FBXO34: variants seen among roughly 807,000 people sequenced by gnomAD.
FBXO34 encodes the protein F-box only protein 34.
In FBXO34, 12 loss-of-function variants were observed where a neutral mutation model predicts 24.5. That is an observed-to-expected ratio of 0.49 (90% confidence interval 0.31 to 0.79). The LOEUF (loss-of-function observed/expected upper bound fraction) is 0.79, where lower values mean the gene tolerates loss of function less well. FBXO34 is among the 30% of genes least tolerant of loss of function. The pLI is 0.04. For synonymous variants in FBXO34, 320 were observed against 311.9 expected (o/e 1.03, Z -0.27); for missense variants, 823 against 857.7 (o/e 0.96, Z 0.51).
At chr14:55,291,860 G>A (rs1290273071) in intron 1 of FBXO34, among the ~76,000 whole-genome samples, 7 of 152,208 alleles carry the variant, frequency 4.6e-5, no homozygotes, top group African/African-American at 1.7e-4. Flanking sequence ...GCTATGTGGG[G>A]GTGGCTGAGA....
At chr14:55,406,504 C>T in the FBXO34 span, among the ~76,000 whole-genome samples, 2 of 152,164 alleles carry the variant, frequency 1.3e-5, no homozygotes, top group East Asian at 1.9e-4. Flanking sequence ...CAACCTGTGG[C>T]CCTCAGAGTT....
the FBXO34 span, among the ~76,000 whole-genome samples, chr14:55,402,930 T>TAC: frequency 7.5e-5 from 1 of 13,306 alleles, no homozygotes. Flanking sequence ...AAAAAAAATA[T>TAC]ATATATATAT....
the FBXO34 span, chr14:55,377,820 T>G: frequency 6.4e-7 from 1 of 1,570,246 alleles, no homozygotes; most frequent in Non-Finnish European, 8.6e-7. Context: ...TCTTCTTACC[T>G]GCCTAGGTGT....
the FBXO34 span, chr14:55,414,499 C>T: frequency 2.2e-6 from 3 of 1,372,390 alleles, no homozygotes; most frequent in Non-Finnish European, 3.0e-6. Flanking sequence ...TATAAAAATA[C>T]CAACATTTAC....
chr14:55,316,573 A>AG (rs965769499), intron 1 of FBXO34, among the ~76,000 whole-genome samples: 1 of 151,594 alleles, frequency 6.6e-6, no homozygotes, highest in Admixed American at 6.6e-5. Context: ...CCAAAAAAAA[A>AG]AAAAAAAAGC....
At chr14:55,376,682 G>A in the FBXO34 span, among the ~76,000 whole-genome samples, 1 of 152,136 alleles carries the variant, frequency 6.6e-6, no homozygotes, top group Non-Finnish European at 1.5e-5. Flanking sequence ...AATGCCTTGG[G>A]TTTCAGTAGA....
chr14:55,337,918 C>G (rs891400816), intron 1 of FBXO34, among the ~76,000 whole-genome samples: 2 of 152,046 alleles, frequency 1.3e-5, no homozygotes, highest in African/African-American at 4.8e-5. Context: ...GTGGTAAGAG[C>G]GTAGGCTTTG....
downstream of FBXO34, among the ~76,000 whole-genome samples, chr14:55,370,641 ATTTC>A (rs1244070826): frequency 6.6e-6 from 1 of 150,860 alleles, no homozygotes; most frequent in African/African-American, 2.4e-5. Context: ...GCCTTTCTGC[ATTTC>A]TTTTTTTTTT....
the FBXO34 span, chr14:55,395,903 G>GT: frequency 6.9e-7 from 1 of 1,448,128 alleles, no homozygotes; most frequent in Non-Finnish European, 9.2e-7. Flanking sequence ...TTAAAAACAT[G>GT]TAGCCTCAAG....
chr14:55,314,491 T>C (rs1036421946), intron 1 of FBXO34, among the ~76,000 whole-genome samples: 16 of 151,974 alleles, frequency 1.1e-4, no homozygotes, highest in African/African-American at 3.6e-4. Flanking sequence ...ATCACATAAA[T>C]GTTTTGTCTC....
At chr14:55,326,292 T>A (rs1883340585) in intron 1 of FBXO34, among the ~76,000 whole-genome samples, 1 of 152,174 alleles carries the variant, frequency 6.6e-6, no homozygotes, top group Admixed American at 6.5e-5. Flanking sequence ...TAAAGACAAC[T>A]AGTAGGGAAG....
intron 1 of FBXO34, among the ~76,000 whole-genome samples, chr14:55,333,079 T>C (rs1883654875): frequency 6.6e-6 from 1 of 152,202 alleles, no homozygotes; most frequent in Admixed American, 6.5e-5. Flanking sequence ...AGTGGGCTAT[T>C]GTTAGCTACA....
Position 55,331,743 on chromosome 14 carries a change from G to GTA in FBXO34, c.-10-18637_-10-18636insAT, listed in dbSNP as rs1250386276. Among the ~76,000 whole-genome samples the GTA allele has an allele frequency of 2.8e-4, 12 of 42,928 alleles. 2 individuals carry two copies. The African/African-American group carries it at 3.3e-3, about 12-fold the overall frequency. 28.2% of individuals were successfully genotyped at this position (42,928 alleles called of 152,430 possible). A position where few individuals can be genotyped will look rare whatever the true frequency, so the allele number is the denominator to read the frequency against. On this transcript the variant is annotated intron_variant, in intron 1 of 1. Coordinates refer to ENST00000313833, the MANE Select transcript of FBXO34 (RefSeq NM_017943.4). Reference sequence around the variant, plus strand: ...TATATATATATGTATATATATATGTGTGTATATATATATATATGTATATAT... The same window carrying GTA: ...TATATATATATGTATATATATATGTGTATGTATATATATATATATGTATATAT...
the FBXO34 span, among the ~76,000 whole-genome samples, chr14:55,438,136 C>T: frequency 6.6e-6 from 1 of 152,102 alleles, no homozygotes; most frequent in South Asian, 2.1e-4. Context: ...GCAGGAGAAA[C>T]TCAAAAAGAT....
At chr14:55,398,058 C>T in the FBXO34 span, among the ~76,000 whole-genome samples, 1 of 151,598 alleles carries the variant, frequency 6.6e-6, no homozygotes, top group South Asian at 2.1e-4. Context: ...CGCCATTCTC[C>T]CGCCTCAGCC....
chr14:55,311,938 C>A (rs1345868201), intron 1 of FBXO34, among the ~76,000 whole-genome samples: 1 of 152,084 alleles, frequency 6.6e-6, no homozygotes, highest in Non-Finnish European at 1.5e-5. Context: ...CAGTGGCTCA[C>A]GTCTGTAATC....
the FBXO34 span, chr14:55,395,943 C>A: frequency 6.3e-7 from 1 of 1,590,924 alleles, no homozygotes; most frequent in Non-Finnish European, 8.5e-7. Context: ...AACTTACCAA[C>A]TGATCTGTTA....
At chr14:55,349,775 T>G (rs1036187937) in intron 1 of FBXO34, among the ~76,000 whole-genome samples, 1 of 151,890 alleles carries the variant, frequency 6.6e-6, no homozygotes, top group Non-Finnish European at 1.5e-5. Flanking sequence ...CCCGGCTGAT[T>G]TTTGTACTTT....
rs762661963 is a variant in FBXO34, at chr14:55,302,452, TG to T, written c.-11+30916del. On this transcript the variant is annotated intron_variant, in intron 1 of 1. Transcript: ENST00000313833. ...TCAAGTGACTCTGTAGCCTCTTTTT[TG>T]TTTTTTTTTTTTTTTTTAATTGAGG... Among the ~76,000 whole-genome samples, 537 of 137,774 alleles carry T rather than the reference TG, an allele frequency of 3.9e-3. 10 individuals are homozygous for T. Among genetic ancestry groups the T allele is most frequent in the African/African-American group, 0.014 (439 of 32,184 alleles). 90.4% of individuals were successfully genotyped at this position (137,774 alleles called of 152,430 possible).
Sources: gnomAD v4.1 joint callset for allele counts (sites outside exome capture counted in the v4.1 genomes callset) on GRCh38, gnomAD v4.1.1 for gene constraint, MANE v1.5 for transcripts, NCBI Gene and HGNC (gene_info 2026-07-23, HGNC 2026-07-21) for gene names.